The following SEMA6D variants were observed in gnomAD, a reference collection of about 807,000 sequenced individuals.
SEMA6D encodes semaphorin-6D.
A neutral mutation model predicts 106.6 loss-of-function variants in SEMA6D; 35 were observed. That is an observed-to-expected ratio of 0.33 (90% CI 0.25 to 0.44). The LOEUF is 0.44. Ranked by LOEUF, SEMA6D falls within the 20% of genes least tolerant of loss-of-function variation. The pLI, the probability that SEMA6D is intolerant of heterozygous loss-of-function variation, is 1.00. For synonymous variants in SEMA6D, 499 were observed against 487.7 expected (o/e 1.02, Z -0.31); for missense variants, 1,185 against 1,345.9 (o/e 0.88, Z 1.87).
intron 1 of SEMA6D, among the ~76,000 whole-genome samples, chr15:47,719,723 G>A (rs2079309240): frequency 6.6e-6 from 1 of 152,136 alleles, no homozygotes; most frequent in Non-Finnish European, 1.5e-5. Context: ...CCGCTCAAGG[G>A]AAGGATTTTA....
chr15:47,289,675 C>G (rs1002211708), intron 1 of SEMA6D, among the ~76,000 whole-genome samples: 1 of 151,644 alleles, frequency 6.6e-6, no homozygotes, highest in Middle Eastern at 3.2e-3. Context: ...TTCCCTAGCA[C>G]AAAGCAGGGG....
intron 2 of SEMA6D, among the ~76,000 whole-genome samples, chr15:47,424,302 G>C (rs1022090147): frequency 6.6e-6 from 1 of 150,416 alleles, no homozygotes; most frequent in Non-Finnish European, 1.5e-5. Flanking sequence ...GAAGGATTGA[G>C]AATATATACA....
intron 3 of SEMA6D, among the ~76,000 whole-genome samples, chr15:47,514,490 T>TC (rs1426070023): frequency 6.6e-5 from 10 of 152,272 alleles, no homozygotes; most frequent in Middle Eastern, 3.4e-3. Flanking sequence ...CTTGCAGCAT[T>TC]CCCCATTTCA....
At chr15:47,519,405 CATTGACCAAAAT>C (rs1202325002) in intron 3 of SEMA6D, among the ~76,000 whole-genome samples, 1 of 152,140 alleles carries the variant, frequency 6.6e-6, no homozygotes, top group Non-Finnish European at 1.5e-5. Flanking sequence ...TGCAGTCCAT[CATTGACCAAAAT>C]ATTATGAAGA....
chr15:47,476,547 T>C, intron 3 of SEMA6D, among the ~76,000 whole-genome samples: 1 of 152,154 alleles, frequency 6.6e-6, no homozygotes, highest in East Asian at 1.9e-4. Flanking sequence ...ATGTAGTATT[T>C]CTTTCACTTA....
intron 1 of SEMA6D, among the ~76,000 whole-genome samples, chr15:47,390,998 A>C (rs558895006): frequency 6.6e-6 from 1 of 152,290 alleles, no homozygotes; most frequent in East Asian, 1.9e-4. Flanking sequence ...TATTTCCAAG[A>C]AGATTCTTGC....
chr15:47,268,292 C>T (rs1305337934), intron 1 of SEMA6D, among the ~76,000 whole-genome samples: 4 of 152,170 alleles, frequency 2.6e-5, no homozygotes. Flanking sequence ...TGACCTAGAC[C>T]TTCCATTTAC....
intron 2 of SEMA6D, among the ~76,000 whole-genome samples, chr15:47,463,610 G>A (rs927262760): frequency 6.6e-6 from 1 of 152,148 alleles, no homozygotes; most frequent in Non-Finnish European, 1.5e-5. Flanking sequence ...ATCCCCGTGG[G>A]GCCCAAAGGG....
At chr15:47,499,247 C>T (rs1310246713) in intron 3 of SEMA6D, among the ~76,000 whole-genome samples, 2 of 152,030 alleles carry the variant, frequency 1.3e-5, no homozygotes, top group African/African-American at 4.8e-5. Flanking sequence ...ATATTTTCTC[C>T]TCTCTAGTCC....
At chr15:47,607,342 A>G (rs1203752718) in intron 4 of SEMA6D, among the ~76,000 whole-genome samples, 1 of 152,122 alleles carries the variant, frequency 6.6e-6, no homozygotes, top group Non-Finnish European at 1.5e-5. Context: ...GAAATTTCCT[A>G]CTTTCTCAAT....
intron 4 of SEMA6D, among the ~76,000 whole-genome samples, chr15:47,631,528 G>A (rs2077293074): frequency 6.6e-6 from 1 of 151,870 alleles, no homozygotes; most frequent in Admixed American, 6.6e-5. Flanking sequence ...GAAATAGGGA[G>A]ATTATCCTGG....
intron 3 of SEMA6D, among the ~76,000 whole-genome samples, chr15:47,545,802 T>C (rs1336915612): frequency 6.6e-6 from 1 of 152,130 alleles, no homozygotes; most frequent in East Asian, 1.9e-4. Flanking sequence ...ACATTCTATT[T>C]TGTTCCAGTT....
At chr15:47,304,623 A>G (rs1348492222) in intron 1 of SEMA6D, among the ~76,000 whole-genome samples, 1 of 152,118 alleles carries the variant, frequency 6.6e-6, no homozygotes, top group Non-Finnish European at 1.5e-5. Flanking sequence ...AAATATTCCA[A>G]ATTTCATTTA....
chr15:47,212,888 G>A (rs1336492871), intron 1 of SEMA6D, among the ~76,000 whole-genome samples: 6 of 152,152 alleles, frequency 3.9e-5, no homozygotes, highest in East Asian at 1.9e-4. Context: ...GTTAAGTGAC[G>A]TTACACATGT....
At chr15:47,372,220 G>A (rs2039298979) in intron 1 of SEMA6D, among the ~76,000 whole-genome samples, 1 of 152,136 alleles carries the variant, frequency 6.6e-6, no homozygotes, top group African/African-American at 2.4e-5. Flanking sequence ...GTTCTTCTTA[G>A]TAGCCATATA....
At chr15:47,237,133 C>A (rs918463143) in intron 1 of SEMA6D, among the ~76,000 whole-genome samples, 1 of 152,128 alleles carries the variant, frequency 6.6e-6, no homozygotes, top group African/African-American at 2.4e-5. Flanking sequence ...TAAGGTTGAA[C>A]TAGAAATAAG....
intron 4 of SEMA6D, among the ~76,000 whole-genome samples, chr15:47,664,112 T>C (rs2145244483): frequency 6.6e-6 from 1 of 152,272 alleles, no homozygotes; most frequent in Middle Eastern, 3.4e-3. Context: ...AGCAAAACAG[T>C]TTTCATCCCA....
intron 3 of SEMA6D, among the ~76,000 whole-genome samples, chr15:47,559,408 G>A (rs1248053335): frequency 6.6e-6 from 1 of 152,066 alleles, no homozygotes; most frequent in South Asian, 2.1e-4. Flanking sequence ...AAGAATATAA[G>A]TTTGTGGTTT....
At chr15:47,329,591 C>G (rs1299746708) in intron 1 of SEMA6D, among the ~76,000 whole-genome samples, 1 of 152,112 alleles carries the variant, frequency 6.6e-6, no homozygotes, top group Non-Finnish European at 1.5e-5. Flanking sequence ...TTGTTGGCTG[C>G]CTTTAGATAA....
Sources: allele counts gnomAD v4.1 joint callset (sites outside exome capture counted in the v4.1 genomes callset), GRCh38; gene constraint gnomAD v4.1.1; transcripts MANE v1.5; gene names NCBI Gene and HGNC (gene_info 2026-07-23, HGNC 2026-07-21).